The following RNF13 variants were observed in gnomAD, a reference collection of about 807,000 sequenced individuals.
The protein encoded by RNF13 is E3 ubiquitin-protein ligase RNF13.
RNF13 carries 19 observed loss-of-function variants against 37.7 expected under a neutral mutation model. The ratio of observed to expected loss-of-function variants is 0.50; its 90% CI spans 0.35 to 0.74. The LOEUF is 0.74. Among genes scored for constraint, RNF13 ranks in the 30% least tolerant of loss-of-function variants. The probability of loss-of-function intolerance (pLI) is 0.01; values close to 1 mark genes in which losing one functional copy is unlikely to be tolerated. For synonymous variants in RNF13, 144 were observed against 157.8 expected, an observed-to-expected ratio of 0.91 and a Z score of 0.65; for missense variants, 375 against 453.0, an observed-to-expected ratio of 0.83 and a Z score of 1.56.
chr3:149,815,749 A>G (rs1030829755), intron 1 of RNF13, among the ~76,000 whole-genome samples: 2 of 152,336 alleles, frequency 1.3e-5, no homozygotes, highest in African/African-American at 4.8e-5. Context: ...TATGATTGGT[A>G]TTGTCAAAGT....
intron 8 of RNF13, among the ~76,000 whole-genome samples, chr3:149,947,191 T>C (rs1409251139): frequency 6.6e-6 from 1 of 152,222 alleles, no homozygotes; most frequent in Non-Finnish European, 1.5e-5. Context: ...ATGTAGTCTG[T>C]CTTGGAGAAT....
At chr3:149,928,931 A>T (rs537814798) in intron 8 of RNF13, among the ~76,000 whole-genome samples, 1 of 152,312 alleles carries the variant, frequency 6.6e-6, no homozygotes, top group East Asian at 1.9e-4. Flanking sequence ...TGTTTTAGAT[A>T]CTATTATAAA....
chr3:149,879,002 G>A (rs1256862654), intron 4 of RNF13, among the ~76,000 whole-genome samples: 1 of 152,172 alleles, frequency 6.6e-6, no homozygotes, highest in Non-Finnish European at 1.5e-5. Context: ...ACATTAAAGT[G>A]AAGGTCTAGT....
chr3:149,928,830 T>C (rs35175085), intron 8 of RNF13, among the ~76,000 whole-genome samples: 3 of 152,232 alleles, frequency 2.0e-5, no homozygotes, highest in Non-Finnish European at 2.9e-5. Flanking sequence ...TTTCCATTTA[T>C]TGAGGTCTTC....
chr3:149,835,350 T>C (rs1195190659), intron 1 of RNF13, among the ~76,000 whole-genome samples: 1 of 152,186 alleles, frequency 6.6e-6, no homozygotes, highest in African/African-American at 2.4e-5. Context: ...TTTGGTTACA[T>C]GAGTAAGTTC....
intron 1 of RNF13, chr3:149,814,120 G>T (rs1719177759): frequency 6.6e-6 from 1 of 152,198 alleles, no homozygotes. Context: ...GTGGGCAGCT[G>T]CTCGGGTCCT....
intron 8 of RNF13, among the ~76,000 whole-genome samples, chr3:149,933,630 C>T (rs1373102028): frequency 1.4e-5 from 2 of 147,902 alleles, no homozygotes; most frequent in African/African-American, 5.0e-5. Context: ...GTCACCCAGG[C>T]TAGAGTGCAG....
intron 1 of RNF13, among the ~76,000 whole-genome samples, chr3:149,837,903 G>A (rs888116694): frequency 6.6e-6 from 1 of 152,086 alleles, no homozygotes; most frequent in African/African-American, 2.4e-5. Flanking sequence ...GACAAGGCAA[G>A]TTCCTTCTGC....
chr3:149,912,576 AGAT>A (rs1383777057), intron 7 of RNF13, among the ~76,000 whole-genome samples: 3 of 152,174 alleles, frequency 2.0e-5, no homozygotes, highest in Admixed American at 6.5e-5. Flanking sequence ...GGAAAAAGTA[AGAT>A]GTATTGATGG....
intron 2 of RNF13, among the ~76,000 whole-genome samples, chr3:149,846,367 G>T (rs1722643193): frequency 6.6e-6 from 1 of 152,058 alleles, no homozygotes; most frequent in African/African-American, 2.4e-5. Flanking sequence ...CATTGTTGCG[G>T]TCCTGGCTCA....
intron 1 of RNF13, among the ~76,000 whole-genome samples, chr3:149,841,814 G>C (rs1722209327): frequency 1.3e-5 from 2 of 152,098 alleles, no homozygotes; most frequent in Non-Finnish European, 2.9e-5. Context: ...ATTTTTAGTA[G>C]AGACGGGGTT....
intron 1 of RNF13, among the ~76,000 whole-genome samples, chr3:149,813,620 C>G (rs955135921): frequency 6.6e-6 from 1 of 152,206 alleles, no homozygotes; most frequent in Non-Finnish European, 1.5e-5. Flanking sequence ...TTCTCTCATT[C>G]CCTTCTTGAG....
chr3:149,819,453 T>C (rs1392300108), intron 1 of RNF13, among the ~76,000 whole-genome samples: 2 of 152,216 alleles, frequency 1.3e-5, no homozygotes, highest in African/African-American at 4.8e-5. Flanking sequence ...TTTCATACTT[T>C]AATTTATACA....
chr3:149,858,958 A>T (rs2108407512), intron 3 of RNF13, among the ~76,000 whole-genome samples: 1 of 152,314 alleles, frequency 6.6e-6, no homozygotes, highest in South Asian at 2.1e-4. Context: ...GTGAAGGAAA[A>T]TGCAAACATT....
chr3:149,921,288 C>T (rs1419576821), intron 8 of RNF13, 61 bp downstream of exon 8: 2 of 650,364 alleles, frequency 3.1e-6, no homozygotes, highest in Non-Finnish European at 4.6e-6. Context: ...GGTGACTATA[C>T]TCTTTAAAAA....
intron 1 of RNF13, among the ~76,000 whole-genome samples, chr3:149,816,175 C>T (rs2108302347): frequency 6.6e-6 from 1 of 151,322 alleles, no homozygotes; most frequent in African/African-American, 2.4e-5. Context: ...GCTGGGATTA[C>T]AGGTGTGATA....
chr3:149,924,487 T>C (rs558253422), intron 8 of RNF13, among the ~76,000 whole-genome samples: 1 of 152,166 alleles, frequency 6.6e-6, no homozygotes, highest in South Asian at 2.1e-4. Context: ...GTGTGACCAA[T>C]TACATAGGAA....
chr3:149,938,763 A>G (rs1553770795), intron 8 of RNF13, among the ~76,000 whole-genome samples: 1 of 151,996 alleles, frequency 6.6e-6, no homozygotes, highest in South Asian at 2.1e-4. Flanking sequence ...ACTATGTCCT[A>G]TCATAACATT....
rs544806573 is a variant in RNF13 at position 149,914,125 on chromosome 3, A to G, written c.606+2042A>G. Among the ~76,000 whole-genome samples the G allele has an allele frequency of 7.9e-5, 12 of 152,192 alleles. No homozygotes were observed. The East Asian group carries it at 2.3e-3, about 29-fold the overall frequency. On this transcript the variant is annotated intron_variant, in intron 7 of 9. Coordinates refer to ENST00000392894, the MANE Select transcript of RNF13 (RefSeq NM_183381.3). ...ATTTTTGTTTTTTGATTGTTTTTAAATTGTTTAACTTTGGCTCTTGTCATG... is the reference window on the plus strand; with the variant it reads ...ATTTTTGTTTTTTGATTGTTTTTAAGTTGTTTAACTTTGGCTCTTGTCATG...
Sources: allele counts gnomAD v4.1 joint callset (sites outside exome capture counted in the v4.1 genomes callset), GRCh38; gene constraint gnomAD v4.1.1; transcripts MANE v1.5; gene names NCBI Gene and HGNC (gene_info 2026-07-23, HGNC 2026-07-21).